MBTD1: variants seen among roughly 807,000 people sequenced by gnomAD.
MBTD1 encodes MBT domain-containing protein 1.
A neutral mutation model predicts 87.8 loss-of-function variants in MBTD1; 24 were observed. That is an observed-to-expected ratio of 0.27 (90% CI 0.20 to 0.38). The LOEUF is 0.38. Ranked by LOEUF, MBTD1 falls within the 10% of genes least tolerant of loss-of-function variation. MBTD1 has a pLI of 1.00. For synonymous variants in MBTD1, 237 were observed against 248.6 expected (o/e 0.95, Z 0.44); for missense variants, 436 against 760.2 (o/e 0.57, Z 5.02).
intron 7 of MBTD1, among the ~76,000 whole-genome samples, chr17:51,204,747 C>T (rs1357560735): frequency 1.4e-4 from 22 of 152,066 alleles, no homozygotes; most frequent in Admixed American, 1.4e-3. Flanking sequence ...GTGATCTGCC[C>T]GCCTTGGCCT....
At chr17:51,256,149 C>G (rs1306599817) in intron 2 of MBTD1, among the ~76,000 whole-genome samples, 2 of 152,336 alleles carry the variant, frequency 1.3e-5, no homozygotes, top group South Asian at 2.1e-4. Context: ...AACATTTTAT[C>G]TTATGACTTG....
chr17:51,219,197 G>T (rs776418187), intron 4 of MBTD1, among the ~76,000 whole-genome samples, 153 bp from the exon 5 acceptor site: 1 of 152,104 alleles, frequency 6.6e-6, no homozygotes, highest in Non-Finnish European at 1.5e-5. Flanking sequence ...TTTAACATGA[G>T]AATTTTTTTC....
chr17:51,236,535 G>A (rs1172065501), intron 2 of MBTD1, among the ~76,000 whole-genome samples: 1 of 152,196 alleles, frequency 6.6e-6, no homozygotes, highest in Non-Finnish European at 1.5e-5. Flanking sequence ...ATGAGCTGCT[G>A]CGTCTGGCCT....
chr17:51,194,405 A>G (rs560646441), intron 13 of MBTD1, among the ~76,000 whole-genome samples: 1 of 151,788 alleles, frequency 6.6e-6, no homozygotes, highest in East Asian at 1.9e-4. Flanking sequence ...CCCTGTCTCT[A>G]CTAAAAATAG....
chr17:51,179,504 A>ATATTTATATTTATT lies in MBTD1; in HGVS notation c.*1071_*1072insAATAAATATAAATA, dbSNP rs1555673762. On this transcript the variant is annotated 3_prime_UTR_variant, in exon 17 of 17. Transcript: ENST00000586178. ...CAATTTTATATATATATATATATAT[A>ATATTTATATTTATT]TATATATATATATATATATATATAT... 1 of 80,220 alleles carries ATATTTATATTTATT rather than the reference A, an allele frequency of 1.2e-5. No homozygotes were observed. The highest frequency in any genetic ancestry group is 4.9e-5 in the African/African-American group (1 of 20,496). 5.0% of individuals were successfully genotyped at this position (80,220 alleles called of 1,614,324 possible). A position where few individuals can be genotyped will look rare whatever the true frequency, so the allele number is the denominator to read the frequency against.
At chr17:51,259,582 C>G (rs995258630) in intron 1 of MBTD1, among the ~76,000 whole-genome samples, 9 of 151,676 alleles carry the variant, frequency 5.9e-5, no homozygotes, top group African/African-American at 2.2e-4. Context: ...ACTTTCTTCT[C>G]GAATTTTTCT....
upstream of MBTD1, chr17:51,260,253 T>C (rs1008660069): frequency 8.7e-5 from 39 of 450,070 alleles, no homozygotes; most frequent in South Asian, 1.2e-3. Flanking sequence ...AAGCAGAAGT[T>C]CCATTCAGCC....
chr17:51,217,574 G>C (rs1002530573), intron 5 of MBTD1, among the ~76,000 whole-genome samples, 158 bp from the exon 6 acceptor site: 1 of 152,130 alleles, frequency 6.6e-6, no homozygotes, highest in Non-Finnish European at 1.5e-5. Context: ...TAAATAGCAT[G>C]AGCTTTGGCT....
chr17:51,258,549 T>C (rs1327781963), intron 2 of MBTD1, among the ~76,000 whole-genome samples: 1 of 151,056 alleles, frequency 6.6e-6, no homozygotes, highest in African/African-American at 2.4e-5. Context: ...AGAGAGGCCC[T>C]TGGAGGAAAG....
rs1190279586 is a variant in MBTD1 at position 51,259,827 on chromosome 17, G to C, written c.-113+8C>G. The C allele has an allele frequency of 8.1e-7, 1 of 1,232,304 alleles. No homozygotes were observed. The highest frequency in any genetic ancestry group is 1.0e-6 in the Non-Finnish European group (1 of 988,292). 76.3% of individuals were successfully genotyped at this position (1,232,304 alleles called of 1,614,324 possible). Reference sequence around the variant, plus strand: ...GCACACAAAGCGGCTGCCGCGCTCGGCTCTCACCAGATCCTTTGTGTTTTC... The same window carrying C: ...GCACACAAAGCGGCTGCCGCGCTCGCCTCTCACCAGATCCTTTGTGTTTTC... On this transcript the variant is annotated splice_region_variant and intron_variant, in intron 1 of 16. Transcript: ENST00000586178.
At chr17:51,189,203 AATGT>A (rs1342980622) in intron 16 of MBTD1, among the ~76,000 whole-genome samples, 4 of 152,150 alleles carry the variant, frequency 2.6e-5, no homozygotes, top group Non-Finnish European at 5.9e-5. Context: ...AGTGTTACAT[AATGT>A]ATGTTACACA....
intron 2 of MBTD1, among the ~76,000 whole-genome samples, chr17:51,225,590 C>G (rs2053167891): frequency 6.6e-6 from 1 of 151,398 alleles, no homozygotes; most frequent in South Asian, 2.1e-4. Flanking sequence ...TTCCTCGTCT[C>G]AAGCAATCTG....
chr17:51,248,054 T>C (rs2054552282), intron 2 of MBTD1, among the ~76,000 whole-genome samples: 1 of 152,240 alleles, frequency 6.6e-6, no homozygotes, highest in African/African-American at 2.4e-5. Context: ...CTCAATTTCC[T>C]CTGTATCCAA....
At chr17:51,210,459 A>G (rs2052115779) in intron 6 of MBTD1, among the ~76,000 whole-genome samples, 1 of 152,128 alleles carries the variant, frequency 6.6e-6, no homozygotes. Context: ...AGCACTGGTT[A>G]CTAATTTGAA....
intron 7 of MBTD1, 40 bp from the exon 8 acceptor site, chr17:51,203,965 A>G: frequency 1.3e-6 from 2 of 1,491,058 alleles, no homozygotes; most frequent in Non-Finnish European, 1.8e-6. Context: ...TAAGAAAATA[A>G]AATTAAATAA....
intron 6 of MBTD1, among the ~76,000 whole-genome samples, chr17:51,214,033 A>G (rs1366845949): frequency 3.3e-5 from 5 of 152,168 alleles, no homozygotes; most frequent in Admixed American, 6.5e-5. Flanking sequence ...TTTTAGTAGT[A>G]TATATGTGTG....
At chr17:51,193,886 G>C (rs1431774332) in intron 13 of MBTD1, among the ~76,000 whole-genome samples, 1 of 152,204 alleles carries the variant, frequency 6.6e-6, no homozygotes, top group Non-Finnish European at 1.5e-5. Flanking sequence ...CTCCCAAAGT[G>C]CTGGGATTAT....
chr17:51,257,405 G>A (rs1184030168), intron 2 of MBTD1, among the ~76,000 whole-genome samples: 2 of 152,176 alleles, frequency 1.3e-5, no homozygotes, highest in Non-Finnish European at 2.9e-5. Flanking sequence ...TAATTCAGTG[G>A]TTTAGTATTT....
chr17:51,198,892 T>C (rs1462325841), intron 12 of MBTD1, among the ~76,000 whole-genome samples: 2 of 152,172 alleles, frequency 1.3e-5, no homozygotes, highest in Non-Finnish European at 2.9e-5. Flanking sequence ...AACCTCCACC[T>C]CCCAGGTTCA....
Sources: allele counts gnomAD v4.1 joint callset (sites outside exome capture counted in the v4.1 genomes callset), GRCh38; gene constraint gnomAD v4.1.1; transcripts MANE v1.5; gene names NCBI Gene and HGNC (gene_info 2026-07-23, HGNC 2026-07-21).